The following UTP25 variants were observed in gnomAD, a reference collection of about 807,000 sequenced individuals.
The protein encoded by UTP25 is UTP25 small subunit processome component.
In UTP25, 50 loss-of-function variants were observed where a neutral mutation model predicts 78.9. The observed-to-expected ratio is 0.63, with a 90% confidence interval of 0.50 to 0.80. The LOEUF (loss-of-function observed/expected upper bound fraction) is 0.80. Among genes scored for constraint, UTP25 ranks in the 30% least tolerant of loss-of-function variants. The pLI is 0.00. For synonymous variants in UTP25, 329 were observed against 336.5 expected (o/e 0.98, Z 0.24); for missense variants, 846 against 911.3 (o/e 0.93, Z 0.92).
rs1417900133 is a variant in UTP25 at position 209,828,164 on chromosome 1, A to AT, written c.102dup (p.Asp35Ter). ...GATTTCGGCGAGGAGCATCCCTTCT[A>AT]TGACAGGTCTGAAGGGGCGTGGCAG... On this transcript the variant is annotated frameshift_variant, in exon 1 of 12. Coordinates refer to ENST00000491415, the MANE Select transcript of UTP25 (RefSeq NM_014388.7). LOFTEE classifies it high-confidence loss of function. 1 of 1,613,024 alleles carries AT rather than the reference A, an allele frequency of 6.2e-7. No homozygotes were observed. The highest frequency in any genetic ancestry group is 8.5e-7 in the Non-Finnish European group (1 of 1,179,086).
At chr1:209,836,482 C>T (rs2078133662) in intron 5 of UTP25, among the ~76,000 whole-genome samples, 1 of 152,198 alleles carries the variant, frequency 6.6e-6, no homozygotes, top group South Asian at 2.1e-4. Flanking sequence ...TGAATGTTGA[C>T]TCTTCCCAGA....
rs2078259002 is a variant in UTP25, at chr1:209,854,319, CTTTT to C, written c.*2874_*2877del. 6.8e-6 allele frequency: 1 copy of C among 147,518 alleles called. No individual in the cohort carries two copies. Among genetic ancestry groups the C allele is most frequent in the African/African-American group, 2.5e-5 (1 of 40,202 alleles). 9.1% of individuals were successfully genotyped at this position (147,518 alleles called of 1,614,324 possible). A position where few individuals can be genotyped will look rare whatever the true frequency, so the allele number is the denominator to read the frequency against. On this transcript the variant is annotated 3_prime_UTR_variant, in exon 12 of 12. Transcript: ENST00000491415. Reference sequence around the variant, plus strand: ...TTAAAACAACCAGCTTAGCACTTTTCTTTTTGAGAGAGAAAAAGCTTTGAATCGT... The same window carrying C: ...TTAAAACAACCAGCTTAGCACTTTTCTGAGAGAGAAAAAGCTTTGAATCGT...
Position 209,839,094 on chromosome 1 carries a change from A to G in UTP25, c.1248A>G (p.Val416=). The G allele has an allele frequency of 6.2e-7, 1 of 1,613,500 alleles. No homozygotes were observed. The highest frequency in any genetic ancestry group is 8.5e-7 in the Non-Finnish European group (1 of 1,179,488). The change falls in exon 7 of 12, where the codon GTA becomes GTG. Residue 416 remains valine, a synonymous_variant. Transcript: ENST00000491415. ...AGAGGCCTGAGGATTATGAAGCCGT[A>G]TTTGTGGGCAATATTGATGACCACT... ...NLKRPEDYEA[V]FVGNIDDHFR...
At chr1:209,844,951 T>G (rs2078188951) in intron 11 of UTP25, among the ~76,000 whole-genome samples, 1 of 152,242 alleles carries the variant, frequency 6.6e-6, no homozygotes, top group Non-Finnish European at 1.5e-5. Context: ...ACTGTTTTAT[T>G]AACTCACAAT....
intron 8 of UTP25, among the ~76,000 whole-genome samples, chr1:209,841,509 G>A (rs1246595599): frequency 6.6e-6 from 1 of 152,162 alleles, no homozygotes; most frequent in Non-Finnish European, 1.5e-5. Context: ...TTGTTTTGTA[G>A]AGAAATATAG....
intron 11 of UTP25, among the ~76,000 whole-genome samples, chr1:209,850,198 G>A (rs1291073660): frequency 1.3e-5 from 2 of 152,188 alleles, no homozygotes; most frequent in Non-Finnish European, 2.9e-5. Context: ...TACATTCTAA[G>A]CAGAAGTAGA....
rs748694755 is a variant in UTP25, at chr1:209,842,445, C to A, written c.1666C>A (p.Gln556Lys). 5.0e-6 allele frequency: 8 copies of A among 1,614,086 alleles called. No individual in the cohort carries two copies. In the Admixed American group the frequency reaches 1.3e-4, roughly 27 times the overall value. Residue 556 changes from glutamine to lysine, a missense_variant and splice_region_variant, in exon 9 of 12, where the codon CAG becomes AAG. Physicochemically the swap from Gln to Lys is moderately conservative, Grantham distance 53. Coordinates refer to ENST00000491415, the MANE Select transcript of UTP25 (RefSeq NM_014388.7). ...FNKYCVNMQG[Q>K]VAVRNVPMTG... Reference sequence around the variant, plus strand: ...CAAGTACTGTGTCAACATGCAAGGCCAGGTGGGTTCTCGTCTTGTTTCCTC... The same window carrying A: ...CAAGTACTGTGTCAACATGCAAGGCAAGGTGGGTTCTCGTCTTGTTTCCTC...
Position 209,828,068 on chromosome 1 carries a change from G to A in UTP25, c.5G>A (p.Gly2Asp). The change falls in exon 1 of 12, where the codon GGC becomes GAC. Residue 2 changes from glycine (G) to aspartate (D), a missense_variant. Gly to Asp is a moderately conservative substitution (Grantham distance 94). Coordinates refer to ENST00000491415, the MANE Select transcript of UTP25 (RefSeq NM_014388.7). The part of the protein sequence containing the change: M[G>D]KRGSRSQSQL... ...GGCAAACTTGACGTTTTCGCTATGG[G>A]CAAACGCGGGAGCCGGAGCCAGAGC... 1.9e-6 allele frequency: 3 copies of A among 1,613,918 alleles called. No individual in the cohort carries two copies. The highest frequency in any genetic ancestry group is 2.5e-6 in the Non-Finnish European group (3 of 1,179,812).
At position 209,830,819 on chromosome 1, in the gene UTP25, C is replaced by T; in HGVS notation, c.164C>T (p.Ser55Phe). 4.3e-6 allele frequency: 7 copies of T among 1,613,522 alleles called. No homozygotes were observed. Among genetic ancestry groups the T allele is most frequent in the Non-Finnish European group, 5.9e-6 (7 of 1,179,506 alleles). The change falls in exon 3 of 12, where the codon TCT becomes TTT. Residue 55 changes from serine (S) to phenylalanine (F), a missense_variant. Transcript: ENST00000491415. ...QICQLSESSD[S>F]SDSESDSESE... Reference sequence around the variant, plus strand: ...TCCTTTTAGTCAGAGAGTTCAGATTCTTCAGATTCTGAAAGCGACTCAGAG... The same window carrying T: ...TCCTTTTAGTCAGAGAGTTCAGATTTTTCAGATTCTGAAAGCGACTCAGAG...
intron 8 of UTP25, among the ~76,000 whole-genome samples, chr1:209,841,305 C>T (rs2078165906): frequency 6.6e-6 from 1 of 152,198 alleles, no homozygotes; most frequent in Non-Finnish European, 1.5e-5. Flanking sequence ...GAAAAGATTT[C>T]TTTCCCTTAA....
In UTP25 at chr1:209,855,189, C is replaced by CTATG. The variant is rs1412500823; in HGVS notation, c.*3743_*3746dup. 1 of 152,214 alleles carries CTATG rather than the reference C, an allele frequency of 6.6e-6. No homozygotes were observed. Among genetic ancestry groups the CTATG allele is most frequent in the Non-Finnish European group, 1.5e-5 (1 of 68,044 alleles). The allele number at this position is 152,214 out of a possible 1,614,324, so 9.4% of individuals were successfully genotyped here. ...CCCGCGACGTTCAGCCGTCTTCCTC[C>CTATG]TATGCCACGTGCTCTCACCAGAACT... On this transcript the variant is annotated 3_prime_UTR_variant, in exon 12 of 12. Transcript: ENST00000491415.
At chr1:209,830,059 A>G (rs747573917) in intron 1 of UTP25, 49 bp from the exon 2 acceptor site, 2 of 1,542,604 alleles carry the variant, frequency 1.3e-6, no homozygotes, top group East Asian at 2.3e-5. Context: ...CCTTTTCCTA[A>G]TTTCTACATA....
chr1:209,845,851 C>CTT (rs2078194164), intron 11 of UTP25, among the ~76,000 whole-genome samples: 1 of 127,378 alleles, frequency 7.9e-6, no homozygotes. Flanking sequence ...CTTTTTTTTT[C>CTT]TTTTTCTTTT....
At chr1:209,835,194 A>C in intron 5 of UTP25, 31 bp downstream of exon 5, 2 of 1,587,652 alleles carry the variant, frequency 1.3e-6, no homozygotes, top group Non-Finnish European at 1.7e-6. Flanking sequence ...CCGGTCACAA[A>C]TAGAGAAAGC....
rs768614100 is a variant in UTP25, at chr1:209,851,280, A to T, written c.2104A>T (p.Asn702Tyr). 3.2e-5 allele frequency: 52 copies of T among 1,614,084 alleles called. No individual in the cohort carries two copies. Among genetic ancestry groups the T allele is most frequent in the Non-Finnish European group, 4.0e-5 (47 of 1,180,044 alleles). Residue 702 changes from asparagine (N) to tyrosine (Y), a missense_variant, in exon 12 of 12, where the codon AAT becomes TAT. Physicochemically the swap from Asn to Tyr is moderately radical, Grantham distance 143 (BLOSUM62 -2). Transcript: ENST00000491415. ...TYPHFYSEIC[N>Y]MLRATNRGEE... ...TCCACACTTTTACAGTGAAATCTGT[A>T]ATATGCTGAGAGCCACCAACAGAGG...
chr1:209,856,831 T>C lies in UTP25; in HGVS notation c.*5384T>C, dbSNP rs770239498. 1 of 152,242 alleles carries C rather than the reference T, an allele frequency of 6.6e-6. No homozygotes were observed. Among genetic ancestry groups the C allele is most frequent in the African/African-American group, 2.4e-5 (1 of 41,462 alleles). The allele number at this position is 152,242 out of a possible 1,614,324, so 9.4% of individuals were successfully genotyped here. On this transcript the variant is annotated 3_prime_UTR_variant, in exon 12 of 12. Coordinates refer to ENST00000491415, the MANE Select transcript of UTP25 (RefSeq NM_014388.7). ...TCTGCTAGCAGTTCTGACGTGTCCA[T>C]TCCACACTGGATCCATAGAACGAGG...
In UTP25 at chr1:209,840,965, G is replaced by A; in HGVS notation, c.1395G>A (p.Lys465=). 6.2e-7 allele frequency: 1 copy of A among 1,614,128 alleles called. No homozygotes were observed. The highest frequency in any genetic ancestry group is 8.5e-7 in the Non-Finnish European group (1 of 1,179,974). Residue 465 remains lysine (K), a synonymous_variant, in exon 8 of 12, where the codon AAG becomes AAA. Transcript: ENST00000491415. Reference sequence around the variant, plus strand: ...CCATCATTGGTGGAGAAGGAGAGAAGAAGAGAGATTTTGACTTTCTGTCTT... The same window carrying A: ...CCATCATTGGTGGAGAAGGAGAGAAAAAGAGAGATTTTGACTTTCTGTCTT... ...LRTIIGGEGE[K]KRDFDFLSSI... is the part of the protein sequence containing the mutation.
intron 10 of UTP25, chr1:209,843,168 G>C: frequency 2.2e-6 from 1 of 460,204 alleles, no homozygotes; most frequent in Non-Finnish European, 3.9e-6. Context: ...CTGAGTGACT[G>C]ACTGACTGAC....
At chr1:209,831,910 T>C (rs2078105843) in intron 3 of UTP25, among the ~76,000 whole-genome samples, 1 of 152,242 alleles carries the variant, frequency 6.6e-6, no homozygotes. Flanking sequence ...ACTTTTTAGT[T>C]GCTGGAATAG....
Sources: allele counts gnomAD v4.1 joint callset (sites outside exome capture counted in the v4.1 genomes callset), GRCh38; gene constraint gnomAD v4.1.1; transcripts MANE v1.5; gene names NCBI Gene and HGNC (gene_info 2026-07-23, HGNC 2026-07-21).